PTPRO: variants seen among roughly 807,000 people sequenced by gnomAD.
PTPRO encodes protein tyrosine phosphatase receptor type O, also known as receptor-type tyrosine-protein phosphatase O.
Under a neutral mutation model 145.2 loss-of-function variants are expected in PTPRO, and 62 were observed. That is an observed-to-expected ratio of 0.43 (90% CI 0.35 to 0.53). PTPRO has a LOEUF of 0.53. Among genes scored for constraint, PTPRO ranks in the 20% least tolerant of loss-of-function variants. The probability of loss-of-function intolerance (pLI) is 0.01; values close to 1 mark genes in which losing one functional copy is unlikely to be tolerated. For synonymous variants in PTPRO, 565 were observed against 514.7 expected (o/e 1.10, Z -1.32); for missense variants, 1,345 against 1,482.7 (o/e 0.91, Z 1.53).
chr12:15,502,479 G>A (rs1942242178), intron 5 of PTPRO, among the ~76,000 whole-genome samples: 2 of 152,166 alleles, frequency 1.3e-5, no homozygotes, highest in Non-Finnish European at 2.9e-5. Context: ...TAATACTTAT[G>A]AAAACATTAC....
At chr12:15,527,957 A>T (rs975798061) in intron 12 of PTPRO, among the ~76,000 whole-genome samples, 2 of 147,920 alleles carry the variant, frequency 1.4e-5, no homozygotes, top group African/African-American at 5.0e-5. Context: ...GAGCTCTCTG[A>T]ACAAGAATTC....
chr12:15,357,445 A>C (rs1938032057), intron 1 of PTPRO, among the ~76,000 whole-genome samples: 1 of 152,138 alleles, frequency 6.6e-6, no homozygotes, highest in Non-Finnish European at 1.5e-5. Flanking sequence ...GCAGATGTTC[A>C]TTGTGGGTTT....
At chr12:15,492,277 G>C (rs951851655) in intron 2 of PTPRO, among the ~76,000 whole-genome samples, 9 of 152,100 alleles carry the variant, frequency 5.9e-5, no homozygotes, top group African/African-American at 2.2e-4. Context: ...TGCTAAAAAA[G>C]ATAGATATCA....
chr12:15,358,071 T>C (rs1374255413), intron 1 of PTPRO, among the ~76,000 whole-genome samples: 1 of 150,920 alleles, frequency 6.6e-6, no homozygotes, highest in Non-Finnish European at 1.5e-5. Context: ...AAATGATGAG[T>C]TCATTTCCTT....
chr12:15,499,870 A>G (rs1942182482), intron 4 of PTPRO, among the ~76,000 whole-genome samples: 1 of 152,344 alleles, frequency 6.6e-6, no homozygotes, highest in East Asian at 1.9e-4. Context: ...TGACTTACCC[A>G]GATCTAGTAG....
chr12:15,357,148 G>C (rs768642210), intron 1 of PTPRO, among the ~76,000 whole-genome samples: 3 of 152,226 alleles, frequency 2.0e-5, no homozygotes, highest in Non-Finnish European at 2.9e-5. Flanking sequence ...TCTCTTAGCA[G>C]CTCTGCTGCT....
intron 1 of PTPRO, among the ~76,000 whole-genome samples, chr12:15,453,483 G>GAT (rs1182862824): frequency 6.6e-6 from 1 of 152,148 alleles, no homozygotes; most frequent in African/African-American, 2.4e-5. Context: ...AAACACAGAA[G>GAT]ATAACTTTAG....
chr12:15,437,833 G>A (rs1021261535), intron 1 of PTPRO, among the ~76,000 whole-genome samples: 3 of 152,126 alleles, frequency 2.0e-5, no homozygotes, highest in Non-Finnish European at 4.4e-5. Context: ...CTTGATACTG[G>A]TGCTTGTGCT....
At chr12:15,356,372 C>T (rs752677680) in intron 1 of PTPRO, among the ~76,000 whole-genome samples, 1 of 152,054 alleles carries the variant, frequency 6.6e-6, no homozygotes, top group Non-Finnish European at 1.5e-5. Context: ...GAAGTCACTC[C>T]CAATTCTGAT....
intron 7 of PTPRO, among the ~76,000 whole-genome samples, chr12:15,511,765 C>T (rs1286616054): frequency 2.6e-5 from 4 of 152,114 alleles, no homozygotes; most frequent in South Asian, 2.1e-4. Context: ...GGGGTTTCAC[C>T]ATGCTGACCA....
intron 1 of PTPRO, among the ~76,000 whole-genome samples, chr12:15,411,315 G>A (rs997374951): frequency 1.3e-5 from 2 of 152,154 alleles, no homozygotes; most frequent in African/African-American, 4.8e-5. Context: ...AAAAAACTTA[G>A]GCTATTATTT....
intron 12 of PTPRO, among the ~76,000 whole-genome samples, chr12:15,538,239 C>CT (rs5796637): frequency 0.74 from 109,046 of 147,708 alleles, 40,435 homozygotes; most frequent in Non-Finnish European, 0.79. Context: ...TTTAGTGCTT[C>CT]TTTTTTTTTT....
chr12:15,402,529 A>G, intron 1 of PTPRO, among the ~76,000 whole-genome samples: 1 of 152,190 alleles, frequency 6.6e-6, no homozygotes, highest in Non-Finnish European at 1.5e-5. Context: ...AATCCACAAT[A>G]CTATGTCTTA....
At chr12:15,467,320 A>T (rs1331363573) in intron 1 of PTPRO, among the ~76,000 whole-genome samples, 3 of 152,060 alleles carry the variant, frequency 2.0e-5, no homozygotes, top group Non-Finnish European at 4.4e-5. Flanking sequence ...TACTTTATAT[A>T]TATCAAACTG....
chr12:15,462,180 A>G (rs1002756390), intron 1 of PTPRO, among the ~76,000 whole-genome samples: 5 of 152,026 alleles, frequency 3.3e-5, no homozygotes, highest in African/African-American at 1.2e-4. Flanking sequence ...GCTGGAATGC[A>G]ATGGTGCAAT....
chr12:15,377,428 T>C (rs1938721342), intron 1 of PTPRO, among the ~76,000 whole-genome samples: 1 of 152,032 alleles, frequency 6.6e-6, no homozygotes, highest in African/African-American at 2.4e-5. Flanking sequence ...AGACACATTT[T>C]AGATTCAAAG....
intron 19 of PTPRO, 152 bp downstream of exon 19, chr12:15,569,650 T>C: frequency 2.9e-6 from 2 of 687,516 alleles, no homozygotes; most frequent in African/African-American, 1.8e-5. Context: ...AGAGCAAGGG[T>C]TGTCAATCCT....
At chr12:15,369,400 A>G (rs1402835779) in intron 1 of PTPRO, among the ~76,000 whole-genome samples, 1 of 152,202 alleles carries the variant, frequency 6.6e-6, no homozygotes, top group Non-Finnish European at 1.5e-5. Flanking sequence ...TACAGAGCTC[A>G]GTCTGAACCT....
At chr12:15,561,423 A>G (rs1428840246) in intron 17 of PTPRO, among the ~76,000 whole-genome samples, 3 of 152,178 alleles carry the variant, frequency 2.0e-5, no homozygotes, top group Non-Finnish European at 4.4e-5. Context: ...TCCTCAAAAT[A>G]GAGATTGTTA....
Sources: gnomAD v4.1 joint callset for allele counts (sites outside exome capture counted in the v4.1 genomes callset) on GRCh38, gnomAD v4.1.1 for gene constraint, MANE v1.5 for transcripts, NCBI Gene and HGNC (gene_info 2026-07-23, HGNC 2026-07-21) for gene names.